Variants in MTUS1 observed in about 807,000 individuals in gnomAD.
MTUS1 encodes the protein microtubule associated scaffold protein 1.
MTUS1 carries 109 observed loss-of-function variants against 120.8 expected under a neutral mutation model. The ratio of observed to expected loss-of-function variants is 0.90; its 90% confidence interval spans 0.77 to 1.06. MTUS1 has a LOEUF of 1.06. Among genes scored for constraint, MTUS1 ranks in the 50% least tolerant of loss-of-function variants. The pLI is 0.00. For missense variants in MTUS1, 2,210 were observed against 1,486.3 expected, an observed-to-expected ratio of 1.49 and a Z score of -8.01; for synonymous variants, 737 against 550.5, an observed-to-expected ratio of 1.34 and a Z score of -4.74.
chr8:17,691,968 C>T (rs554528956), intron 6 of MTUS1: 45 of 152,304 alleles, frequency 3.0e-4, no homozygotes, highest in African/African-American at 1.1e-3. Flanking sequence ...TTAAGACTTA[C>T]GTCCAAACGA....
intron 2 of MTUS1, among the ~76,000 whole-genome samples, chr8:17,750,999 C>T (rs980444785): frequency 6.6e-6 from 1 of 152,204 alleles, no homozygotes; most frequent in Non-Finnish European, 1.5e-5. Flanking sequence ...CTAAGGCAGG[C>T]CAAGGCCAAC....
intron 1 of MTUS1, among the ~76,000 whole-genome samples, chr8:17,798,287 A>G (rs927620938): frequency 1.3e-5 from 2 of 152,148 alleles, no homozygotes; most frequent in African/African-American, 4.8e-5. Flanking sequence ...AACCCAAGAT[A>G]TGGAAGTTCT....
chr8:17,760,822 A>C (rs2048985499), intron 1 of MTUS1, among the ~76,000 whole-genome samples: 1 of 143,232 alleles, frequency 7.0e-6, no homozygotes, highest in African/African-American at 2.5e-5. Context: ...AAAAAAAAAA[A>C]CTTGAAACAA....
chr8:17,800,514 G>C (rs1472573158), intron 1 of MTUS1: 1 of 152,186 alleles, frequency 6.6e-6, no homozygotes, highest in African/African-American at 2.4e-5. Context: ...TGGTAGAAAG[G>C]AGTACGTCTT....
intron 6 of MTUS1, among the ~76,000 whole-genome samples, chr8:17,708,365 G>A (rs1185725515): frequency 6.6e-6 from 1 of 152,186 alleles, no homozygotes; most frequent in South Asian, 2.1e-4. Context: ...AATGTCACTG[G>A]CTGTCAGAAT....
intron 3 of MTUS1, among the ~76,000 whole-genome samples, chr8:17,729,298 C>T (rs1289075113): frequency 2.0e-5 from 3 of 152,144 alleles, no homozygotes; most frequent in South Asian, 2.1e-4. Context: ...GCTGCAGGTC[C>T]ACTTCCAATT....
chr8:17,753,799 T>G lies in MTUS1; in HGVS notation c.2009A>C (p.Lys670Thr), dbSNP rs948333176. Residue 670 changes from lysine (K) to threonine (T), a missense_variant, in exon 2 of 15, where the codon AAA (lysine) becomes ACA (threonine). Transcript: ENST00000693296. ...TTTTTCCATAGATGTCCCATTTTCTTTTTCACCCTTCTTTTCAGGGCTAAT... is the reference window on the plus strand; with the variant it reads ...TTTTTCCATAGATGTCCCATTTTCTGTTTCACCCTTCTTTTCAGGGCTAAT... ...DRISPEKKGE[K>T]ENGTSMEKQE... is the part of the protein sequence containing the mutation. The G allele has an allele frequency of 2.5e-6, 4 of 1,613,884 alleles. No homozygotes were observed. Among genetic ancestry groups the G allele is most frequent in the Non-Finnish European group, 3.4e-6 (4 of 1,180,014 alleles).
chr8:17,798,340 T>C (rs2131617232), intron 1 of MTUS1, among the ~76,000 whole-genome samples: 1 of 149,816 alleles, frequency 6.7e-6, no homozygotes, highest in South Asian at 2.1e-4. Flanking sequence ...TTTGGGGAAT[T>C]TTTTTTTTTT....
chr8:17,662,349 A>ATTTTTTTT (rs35308070), intron 8 of MTUS1, among the ~76,000 whole-genome samples: 23 of 112,690 alleles, frequency 2.0e-4, no homozygotes, highest in African/African-American at 5.9e-4. Flanking sequence ...TTTTGTCCCT[A>ATTTTTTTT]TTTTTTTTTT....
intron 7 of MTUS1, among the ~76,000 whole-genome samples, chr8:17,678,049 G>A (rs553300334): frequency 1.1e-3 from 166 of 152,242 alleles, no homozygotes; most frequent in African/African-American, 3.8e-3. Flanking sequence ...ATGGGAAGCA[G>A]TAATGAAAAA....
intron 2 of MTUS1, among the ~76,000 whole-genome samples, chr8:17,749,633 C>A (rs965608346): frequency 6.9e-6 from 1 of 144,826 alleles, no homozygotes; most frequent in African/African-American, 2.6e-5. Context: ...ACTGCACCCC[C>A]AGCCTGGGCA....
chr8:17,680,818 G>A (rs1169263251), intron 7 of MTUS1, among the ~76,000 whole-genome samples: 2 of 152,164 alleles, frequency 1.3e-5, no homozygotes, highest in East Asian at 1.9e-4. Flanking sequence ...GGTGTTCGGG[G>A]ACTGAGCAGA....
rs1165288999 is a variant in MTUS1, at chr8:17,760,051, CT to C, written c.-154-4091del. On this transcript the variant is annotated intron_variant, in intron 1 of 14. Coordinates refer to ENST00000693296, the MANE Select transcript of MTUS1 (RefSeq NM_001363059.2). ...TAGCAGGACCCTACCTCTACGATTTCTTTTCTTTTTTTTTTTTTTTTTAGCA... is the reference window on the plus strand; with the variant it reads ...TAGCAGGACCCTACCTCTACGATTTCTTTCTTTTTTTTTTTTTTTTTAGCA... Among the ~76,000 whole-genome samples, 52 of 130,268 alleles carry C rather than the reference CT, an allele frequency of 4.0e-4. No homozygotes were observed. In the South Asian group the frequency reaches 0.016, roughly 40 times the overall value. The allele number at this position is 130,268 out of a possible 152,430, so 85.5% of individuals were successfully genotyped here.
intron 4 of MTUS1, among the ~76,000 whole-genome samples, chr8:17,719,058 T>C (rs1263026172): frequency 2.0e-5 from 3 of 152,126 alleles, no homozygotes; most frequent in Middle Eastern, 3.4e-3. Context: ...TAATCCCAGC[T>C]ACTCAGGAGG....
intron 2 of MTUS1, among the ~76,000 whole-genome samples, chr8:17,749,279 C>T (rs549077552): frequency 3.5e-4 from 53 of 152,118 alleles, no homozygotes; most frequent in Non-Finnish European, 7.2e-4. Flanking sequence ...TATGATAAAA[C>T]CTTGGTTTCC....
In MTUS1 at chr8:17,767,700, T is replaced by TAAGAAAAAAAAAAAAAAAAAAAAA. The variant is rs1554533204; in HGVS notation, c.-154-11740_-154-11739insTTTTTTTTTTTTTTTTTTTTTCTT. Among the ~76,000 whole-genome samples the TAAGAAAAAAAAAAAAAAAAAAAAA allele has an allele frequency of 9.1e-5, 8 of 87,886 alleles. 1 individual carries two copies. The highest frequency in any genetic ancestry group is 3.6e-4 in the African/African-American group (7 of 19,628). 57.7% of individuals were successfully genotyped at this position (87,886 alleles called of 152,430 possible). A position where few individuals can be genotyped will look rare whatever the true frequency, so the allele number is the denominator to read the frequency against. ...GGTGATAGAGCAAGACCCTGTCTCT[T>TAAGAAAAAAAAAAAAAAAAAAAAA]AAAAAAAAAAAAAAAAAACGGTGTG... is the stretch of plus-strand genomic sequence containing the variant. On this transcript the variant is annotated intron_variant, in intron 1 of 14. Coordinates refer to ENST00000693296, the MANE Select transcript of MTUS1 (RefSeq NM_001363059.2).
In MTUS1 at chr8:17,753,892, C is replaced by T; in HGVS notation, c.1916G>A (p.Gly639Asp). The T allele has an allele frequency of 6.2e-7, 1 of 1,614,090 alleles. No homozygotes were observed. The highest frequency in any genetic ancestry group is 8.5e-7 in the Non-Finnish European group (1 of 1,180,006). The change falls in exon 2 of 15, where the codon GGC (glycine) becomes GAC (aspartate). Residue 639 changes from glycine (G) to aspartate (D), a missense_variant. Gly to Asp is a moderately conservative substitution (Grantham distance 94, BLOSUM62 -1). Coordinates refer to ENST00000693296, the MANE Select transcript of MTUS1 (RefSeq NM_001363059.2). Reference protein sequence around the residue: ...SVSALFQKIKGILPVKMESAE... With the variant: ...SVSALFQKIKDILPVKMESAE... ...ACTTTCCATTTTAACAGGGAGTATG[C>T]CTTTGATCTTCTGAAACAACGCAGA...
At chr8:17,744,315 G>A (rs954560649) in intron 2 of MTUS1, among the ~76,000 whole-genome samples, 6 of 151,920 alleles carry the variant, frequency 3.9e-5, no homozygotes, top group Admixed American at 6.5e-5. Flanking sequence ...CTCTAAAGGC[G>A]GCCACGTATG....
chr8:17,770,509 A>AT (rs1009209964), intron 1 of MTUS1: 3 of 152,162 alleles, frequency 2.0e-5, no homozygotes, highest in African/African-American at 7.2e-5. Flanking sequence ...TCCAAACAAA[A>AT]TTTTTTAATG....
Sources: allele counts gnomAD v4.1 joint callset (sites outside exome capture counted in the v4.1 genomes callset), GRCh38; gene constraint gnomAD v4.1.1; transcripts MANE v1.5; gene names NCBI Gene and HGNC (gene_info 2026-07-23, HGNC 2026-07-21).